The following STAG1 variants were observed in gnomAD, a reference collection of about 807,000 sequenced individuals.
STAG1 encodes cohesin subunit SA-1.
A neutral mutation model predicts 170.9 loss-of-function variants in STAG1; 26 were observed. The ratio of observed to expected loss-of-function variants is 0.15; its 90% CI spans 0.11 to 0.21. STAG1 has a LOEUF of 0.21. STAG1 is among the 10% of genes least tolerant of loss of function. The pLI is 1.00. For missense variants in STAG1, 964 were observed against 1,509.5 expected, an observed-to-expected ratio of 0.64 and a Z score of 5.99; for synonymous variants, 514 against 497.7, an observed-to-expected ratio of 1.03 and a Z score of -0.44.
At chr3:136,638,663 G>A (rs1940676390) in intron 1 of STAG1, among the ~76,000 whole-genome samples, 1 of 152,090 alleles carries the variant, frequency 6.6e-6, no homozygotes, top group South Asian at 2.1e-4. Flanking sequence ...AGCACTTTGG[G>A]AGGCCTAGGC....
At chr3:136,739,146 G>A (rs1004304528) in intron 1 of STAG1, among the ~76,000 whole-genome samples, 4 of 152,140 alleles carry the variant, frequency 2.6e-5, no homozygotes, top group Non-Finnish European at 4.4e-5. Context: ...TTTAGAGACT[G>A]GGTTCTGAAA....
chr3:136,355,415 G>A (rs923452842), intron 28 of STAG1, among the ~76,000 whole-genome samples: 12 of 135,616 alleles, frequency 8.8e-5, no homozygotes, highest in Non-Finnish European at 1.4e-4. Flanking sequence ...CAAAATGTAT[G>A]AAGCAAAAAC....
chr3:136,409,095 T>C (rs911189241), intron 21 of STAG1, among the ~76,000 whole-genome samples: 2 of 151,972 alleles, frequency 1.3e-5, no homozygotes, highest in Non-Finnish European at 2.9e-5. Flanking sequence ...TGAAACCCTG[T>C]TTCTATTAAA....
intron 6 of STAG1, among the ~76,000 whole-genome samples, chr3:136,538,242 C>T (rs768058688): frequency 2.6e-5 from 4 of 152,062 alleles, no homozygotes; most frequent in African/African-American, 4.8e-5. Context: ...AATAAATATG[C>T]ATATGCTGCA....
chr3:136,367,699 G>A (rs1229025094), intron 24 of STAG1, among the ~76,000 whole-genome samples: 1 of 152,104 alleles, frequency 6.6e-6, no homozygotes, highest in Non-Finnish European at 1.5e-5. Context: ...ATTGAAATAT[G>A]GATGAGTTAA....
intron 5 of STAG1, among the ~76,000 whole-genome samples, chr3:136,550,548 C>T (rs1238861524): frequency 6.6e-6 from 1 of 152,078 alleles, no homozygotes; most frequent in Non-Finnish European, 1.5e-5. Context: ...ACCTTGTGAT[C>T]CACCTGCCTC....
chr3:136,474,065 T>C (rs2089686955), intron 10 of STAG1, among the ~76,000 whole-genome samples: 3 of 152,346 alleles, frequency 2.0e-5, no homozygotes, highest in Admixed American at 2.0e-4. Context: ...CTGGATTCAA[T>C]TTATATTCCA....
At chr3:136,367,193 T>C (rs1264666704) in intron 24 of STAG1, 111 bp from the exon 25 acceptor site, 1 of 875,852 alleles carries the variant, frequency 1.1e-6, no homozygotes. Context: ...TCACAAATAG[T>C]ACAATTCAGT....
chr3:136,574,210 C>T (rs1937368121), intron 4 of STAG1, among the ~76,000 whole-genome samples: 2 of 151,902 alleles, frequency 1.3e-5, no homozygotes, highest in Admixed American at 6.5e-5. Flanking sequence ...CGCTGCACTC[C>T]AGCCCGGGTG....
At position 136,504,423 on chromosome 3, in the gene STAG1, T is replaced by C. The variant is rs1933651034; in HGVS notation, c.677-1644A>G. On this transcript the variant is annotated intron_variant, in intron 7 of 33. Transcript: ENST00000383202. ...TTCCCTGTGGTAGTGTCTCAAACAG[T>C]AAACTGAGAAATATTCTTGTGTTTC... Among the ~76,000 whole-genome samples the C allele has an allele frequency of 2.0e-5, 3 of 152,216 alleles. No individual in the cohort carries two copies. In the South Asian group the frequency reaches 6.2e-4, roughly 32 times the overall value.
At chr3:136,374,416 G>A (rs938946918) in intron 23 of STAG1, among the ~76,000 whole-genome samples, 19 of 152,082 alleles carry the variant, frequency 1.2e-4, no homozygotes, top group African/African-American at 1.7e-4. Flanking sequence ...TTGGGAATTC[G>A]AGACCAGCCT....
At chr3:136,652,908 G>A (rs2107857520) in intron 1 of STAG1, among the ~76,000 whole-genome samples, 1 of 152,194 alleles carries the variant, frequency 6.6e-6, no homozygotes, top group South Asian at 2.1e-4. Context: ...CCTAAACTGT[G>A]ACAACCAAAA....
chr3:136,707,371 G>A (rs1943256861), intron 1 of STAG1, among the ~76,000 whole-genome samples: 1 of 152,080 alleles, frequency 6.6e-6, no homozygotes, highest in South Asian at 2.1e-4. Flanking sequence ...TTACAAATGG[G>A]CAAAGGACTT....
At chr3:136,509,665 T>TA (rs912307617) in intron 7 of STAG1, among the ~76,000 whole-genome samples, 2 of 151,956 alleles carry the variant, frequency 1.3e-5, no homozygotes, top group African/African-American at 4.8e-5. Flanking sequence ...AAATCACAAT[T>TA]AAAAAAACAG....
At chr3:136,541,546 A>ACACACACACACT (rs1553743117) in intron 6 of STAG1, among the ~76,000 whole-genome samples, 11 of 141,216 alleles carry the variant, frequency 7.8e-5, no homozygotes, top group Admixed American at 2.8e-4. Context: ...ATTCACACAC[A>ACACACACACACT]CACACACACA....
At chr3:136,433,748 AC>A in intron 15 of STAG1, 89 bp from the exon 16 acceptor site, 1 of 844,426 alleles carries the variant, frequency 1.2e-6, no homozygotes, top group South Asian at 1.5e-5. Context: ...AAAACTGAAA[AC>A]ATTCTATTAC....
At chr3:136,645,635 T>C (rs576930782) in intron 1 of STAG1, among the ~76,000 whole-genome samples, 1 of 152,260 alleles carries the variant, frequency 6.6e-6, no homozygotes, top group Non-Finnish European at 1.5e-5. Context: ...TTAAGCTTTA[T>C]GGGTAAACCC....
At chr3:136,477,848 T>G (rs906993235) in intron 9 of STAG1, among the ~76,000 whole-genome samples, 1 of 152,164 alleles carries the variant, frequency 6.6e-6, no homozygotes, top group African/African-American at 2.4e-5. Context: ...TGGAGTGCAG[T>G]GGCATGATTT....
At chr3:136,571,847 C>T (rs1283286408) in intron 4 of STAG1, among the ~76,000 whole-genome samples, 1 of 152,074 alleles carries the variant, frequency 6.6e-6, no homozygotes, top group Non-Finnish European at 1.5e-5. Flanking sequence ...TGCTAACACA[C>T]TCTCTCTAGC....
Sources: allele counts gnomAD v4.1 joint callset (sites outside exome capture counted in the v4.1 genomes callset), GRCh38; gene constraint gnomAD v4.1.1; transcripts MANE v1.5; gene names NCBI Gene and HGNC (gene_info 2026-07-23, HGNC 2026-07-21).